PRAG1: variants seen among roughly 807,000 people sequenced by gnomAD.
PRAG1 encodes PEAK1 related, kinase-activating pseudokinase 1.
Under a neutral mutation model 95.6 loss-of-function variants are expected in PRAG1, and 110 were observed. That is an observed-to-expected ratio of 1.15 (90% CI 0.99 to 1.35). The LOEUF (loss-of-function observed/expected upper bound fraction) is 1.35. PRAG1 is among the 40% of genes most tolerant of loss of function. The pLI is 0.00. For synonymous variants in PRAG1, 1,052 were observed against 819.4 expected (o/e 1.28, Z -4.85); for missense variants, 2,554 against 1,864.7 (o/e 1.37, Z -6.81).
chr8:8,341,436 C>G (rs142180064), intron 3 of PRAG1, among the ~76,000 whole-genome samples: 3 of 152,190 alleles, frequency 2.0e-5, no homozygotes, highest in Non-Finnish European at 2.9e-5. Context: ...ACAGGCAGTA[C>G]AAGGGATCCT....
intron 3 of PRAG1, among the ~76,000 whole-genome samples, chr8:8,365,174 A>G (rs537508352): frequency 2.6e-5 from 4 of 152,228 alleles, no homozygotes; most frequent in South Asian, 4.1e-4. Context: ...CAGAAAAACT[A>G]TAAGTAGTAT....
chr8:8,329,845 T>C (rs537971675), intron 4 of PRAG1, among the ~76,000 whole-genome samples: 4 of 152,322 alleles, frequency 2.6e-5, no homozygotes, highest in East Asian at 3.9e-4. Flanking sequence ...TGGATGGCCA[T>C]GGGCTGACAT....
chr8:8,333,907 G>T (rs536707610), intron 4 of PRAG1, among the ~76,000 whole-genome samples: 1 of 152,210 alleles, frequency 6.6e-6, no homozygotes, highest in African/African-American at 2.4e-5. Flanking sequence ...TCTCATGTGA[G>T]AGGTGAGAAA....
chr8:8,364,535 T>C (rs542456403), intron 3 of PRAG1, among the ~76,000 whole-genome samples: 5 of 152,336 alleles, frequency 3.3e-5, no homozygotes, highest in Middle Eastern at 3.4e-3. Flanking sequence ...CTTATTCTTC[T>C]AGGGTCTTAA....
intron 4 of PRAG1, among the ~76,000 whole-genome samples, chr8:8,336,908 T>TCCCCCCCCCCCCCCCC (rs1214780667): frequency 2.0e-5 from 1 of 49,028 alleles, no homozygotes; most frequent in African/African-American, 1.3e-4. Context: ...CACACCCCTT[T>TCCCCCCCCCCCCCCCC]CCCCCCTCCC....
Position 8,381,596 on chromosome 8 carries a change from G to A in PRAG1, c.152C>T (p.Ala51Val), listed in dbSNP as rs575106452. Residue 51 changes from alanine to valine, a missense_variant, in exon 2 of 6, where the codon GCG (alanine) becomes GTG (valine). Physicochemically the swap from Ala to Val is moderately conservative, Grantham distance 64. Transcript: ENST00000615670. ...GCGCGGTGGAGGGGGCAGGCTGCCCGCTCTGGGCTGGGGAGGGCCGGCCAC... is the reference window on the plus strand; with the variant it reads ...GCGCGGTGGAGGGGGCAGGCTGCCCACTCTGGGCTGGGGAGGGCCGGCCAC... Reference protein sequence around the residue: ...QLVAGPPQPRAGSLPPPPRLP... With the variant: ...QLVAGPPQPRVGSLPPPPRLP... 32 of 1,614,034 alleles carry A rather than the reference G, an allele frequency of 2.0e-5. No individual in the cohort carries two copies. The East Asian group carries it at 3.1e-4, about 16-fold the overall frequency.
intron 4 of PRAG1, among the ~76,000 whole-genome samples, chr8:8,335,224 C>T (rs1798949608): frequency 6.6e-6 from 1 of 152,132 alleles, no homozygotes; most frequent in African/African-American, 2.4e-5. Flanking sequence ...CCAAATCATG[C>T]CAATGTATGG....
chr8:8,350,267 G>C (rs1799480024), intron 3 of PRAG1, among the ~76,000 whole-genome samples: 1 of 152,196 alleles, frequency 6.6e-6, no homozygotes, highest in Non-Finnish European at 1.5e-5. Flanking sequence ...TTTCAGCTGA[G>C]GCTGCAGACA....
At position 8,355,539 on chromosome 8, in the gene PRAG1, T is replaced by C. The variant is rs138488747; in HGVS notation, c.2163-15904A>G. ...GATTTTAAATTATATTACAAAGCTA[T>C]AGTAATCAGAAAAGAATATGGTAGT... On this transcript the variant is annotated intron_variant, in intron 3 of 5. Transcript: ENST00000615670. 2.3e-3 allele frequency among the ~76,000 whole-genome samples: 357 copies of C among 152,270 alleles called. 1 individual carries two copies. The highest frequency in any genetic ancestry group is 0.011 in the South Asian group (55 of 4,824).
At chr8:8,321,286 T>C (rs1798464899) in intron 5 of PRAG1, among the ~76,000 whole-genome samples, 1 of 152,174 alleles carries the variant, frequency 6.6e-6, no homozygotes, top group Non-Finnish European at 1.5e-5. Context: ...GGTTTTGCCA[T>C]GTTGCCCAGG....
chr8:8,361,013 G>A (rs1409193777), intron 3 of PRAG1, among the ~76,000 whole-genome samples: 1 of 152,112 alleles, frequency 6.6e-6, no homozygotes, highest in African/African-American at 2.4e-5. Context: ...AGGATATCCA[G>A]GATGGAAATT....
chr8:8,379,919 G>C (rs1221647802), intron 2 of PRAG1, among the ~76,000 whole-genome samples: 1 of 152,158 alleles, frequency 6.6e-6, no homozygotes, highest in African/African-American at 2.4e-5. Context: ...CTGGGTATTA[G>C]ATAATATTAA....
chr8:8,318,896 G>A lies in PRAG1; in HGVS notation c.3479C>T (p.Ala1160Val), dbSNP rs760984104. The change falls in exon 6 of 6, where the codon GCC becomes GTC. Residue 1160 changes from alanine to valine, a missense_variant. Coordinates refer to ENST00000615670, the MANE Select transcript of PRAG1 (RefSeq NM_001080826.3). The surrounding 1 kb of genome is among the most constrained non-coding windows in gnomAD (Gnocchi z 4.2). ...NLLLVHCTLQAGPGPAPAPAP... is the reference protein window; with the variant it reads ...NLLLVHCTLQVGPGPAPAPAP... ...GGGGGCGGGGGCGGGCCCGGGGCCG[G>A]CCTGGAGGGTGCAGTGCACCAGCAG... is the stretch of plus-strand genomic sequence containing the variant. 2.4e-5 allele frequency: 37 copies of A among 1,570,516 alleles called. No homozygotes were observed. The East Asian group carries it at 8.2e-4, about 35-fold the overall frequency.
chr8:8,378,547 A>C (rs1012364833), intron 2 of PRAG1, among the ~76,000 whole-genome samples: 1 of 152,142 alleles, frequency 6.6e-6, no homozygotes, highest in African/African-American at 2.4e-5. Context: ...TCGAAGTCTT[A>C]AGTGTTTTTA....
chr8:8,377,783 T>C lies in PRAG1; in HGVS notation c.626A>G (p.Gln209Arg). Residue 209 changes from glutamine (Q) to arginine (R), a missense_variant, in exon 3 of 6, where the codon CAG (glutamine) becomes CGG (arginine). By Grantham distance (43) the Gln-to-Arg change is conservative. Coordinates refer to ENST00000615670, the MANE Select transcript of PRAG1 (RefSeq NM_001080826.3). ...GGTCCCAGCAAAGGCAGCCAGTTTC[T>C]GGCGGAAGCTCTCCTGGGTGGAGGG... ...DRPSTQESFR[Q>R]KLAAFAGTTS... 6.2e-7 allele frequency: 1 copy of C among 1,614,130 alleles called. No individual in the cohort carries two copies. Among genetic ancestry groups the C allele is most frequent in the South Asian group, 1.1e-5 (1 of 91,086 alleles).
intron 4 of PRAG1, among the ~76,000 whole-genome samples, chr8:8,338,497 G>A (rs1585234014): frequency 1.3e-5 from 2 of 152,174 alleles, no homozygotes; most frequent in African/African-American, 4.8e-5. Flanking sequence ...CTGGGAAAAG[G>A]AAGAAGATAA....
chr8:8,349,456 A>T (rs1371293731), intron 3 of PRAG1, among the ~76,000 whole-genome samples: 1 of 151,560 alleles, frequency 6.6e-6, no homozygotes, highest in African/African-American at 2.4e-5. Flanking sequence ...AATTTTTTTT[A>T]TATTTTTAGT....
chr8:8,318,384 C>T lies in PRAG1; in HGVS notation c.3991G>A (p.Gly1331Arg), dbSNP rs1432414661. Residue 1331 changes from glycine (G) to arginine (R), a missense_variant, in exon 6 of 6, where the codon GGG becomes AGG. Coordinates refer to ENST00000615670, the MANE Select transcript of PRAG1 (RefSeq NM_001080826.3). The surrounding 1 kb of genome is among the most constrained non-coding windows in gnomAD (Gnocchi z 4.2). ...TGCTGCACCAGCTCGCGCCGAGGCCCCCACAGCAGGCACTGCAGCACGCGC... is the reference window on the plus strand; with the variant it reads ...TGCTGCACCAGCTCGCGCCGAGGCCTCCACAGCAGGCACTGCAGCACGCGC... ...AKRVLQCLLW[G>R]PRRELVQQPG... is the part of the protein sequence containing the mutation. 1.2e-6 allele frequency: 2 copies of T among 1,613,346 alleles called. No individual in the cohort carries two copies. Among genetic ancestry groups the T allele is most frequent in the African/African-American group, 1.3e-5 (1 of 74,940 alleles).
intron 4 of PRAG1, among the ~76,000 whole-genome samples, chr8:8,333,207 C>T (rs1798877393): frequency 6.6e-6 from 1 of 152,184 alleles, no homozygotes; most frequent in African/African-American, 2.4e-5. Flanking sequence ...TGGCCTATGT[C>T]TCAGTTGCCT....
Sources: gnomAD v4.1 joint callset for allele counts (sites outside exome capture counted in the v4.1 genomes callset) on GRCh38, gnomAD v4.1.1 for gene constraint, Gnocchi (gnomAD v3.1) non-coding constraint, MANE v1.5 for transcripts, NCBI Gene and HGNC (gene_info 2026-07-23, HGNC 2026-07-21) for gene names.